Variants in POLK observed in about 807,000 individuals in gnomAD.
The protein encoded by POLK is DNA polymerase kappa, also known as polymerase (DNA directed) kappa.
A neutral mutation model predicts 94.0 loss-of-function variants in POLK; 76 were observed. The ratio of observed to expected loss-of-function variants is 0.81; its 90% CI spans 0.67 to 0.98. The LOEUF is 0.98. Among genes scored for constraint, POLK ranks in the 50% least tolerant of loss-of-function variants. POLK has a pLI of 0.00. For missense variants in POLK, 954 were observed against 1,010.1 expected, an observed-to-expected ratio of 0.94 and a Z score of 0.75; for synonymous variants, 349 against 325.4, an observed-to-expected ratio of 1.07 and a Z score of -0.78.
At chr5:75,596,085 C>T in intron 12 of POLK, 137 bp from the exon 13 acceptor site, 11 of 578,210 alleles carry the variant, frequency 1.9e-5, no homozygotes, top group South Asian at 7.9e-5. Context: ...CTTATAATAC[C>T]AGCTTTGAAA....
intron 1 of POLK, among the ~76,000 whole-genome samples, chr5:75,539,199 A>G (rs1042037836): frequency 6.6e-6 from 1 of 151,714 alleles, no homozygotes; most frequent in African/African-American, 2.4e-5. Flanking sequence ...AAGGTATGTG[A>G]TTATGTTTCT....
chr5:75,594,884 G>A (rs1286945868), intron 12 of POLK, among the ~76,000 whole-genome samples: 3 of 152,196 alleles, frequency 2.0e-5, no homozygotes. Flanking sequence ...TACTAGTAAG[G>A]AGTGGGTCAC....
intron 1 of POLK, among the ~76,000 whole-genome samples, chr5:75,513,258 A>G (rs1768157654): frequency 6.6e-6 from 1 of 152,150 alleles, no homozygotes; most frequent in Admixed American, 6.5e-5. Context: ...TCTTTTACTA[A>G]TATCAATTAT....
At chr5:75,516,424 A>G (rs1768324580) in intron 1 of POLK, among the ~76,000 whole-genome samples, 1 of 152,238 alleles carries the variant, frequency 6.6e-6, no homozygotes, top group Non-Finnish European at 1.5e-5. Context: ...TTTTGCAAAA[A>G]GAATTTTAAA....
chr5:75,576,151 A>G (rs1771862841), intron 5 of POLK, among the ~76,000 whole-genome samples: 1 of 152,080 alleles, frequency 6.6e-6, no homozygotes, highest in Non-Finnish European at 1.5e-5. Flanking sequence ...ACTTTTCCCC[A>G]TCATTTAAGG....
At chr5:75,598,070 C>A in exon 15 of POLK, 2 of 724,068 alleles carry the variant, frequency 2.8e-6, no homozygotes, top group South Asian at 4.4e-5. Context: ...ATTTTATAAT[C>A]AATGAATTTG....
At chr5:75,537,585 T>A (rs1769508582) in intron 1 of POLK, among the ~76,000 whole-genome samples, 2 of 152,220 alleles carry the variant, frequency 1.3e-5, no homozygotes, top group Non-Finnish European at 2.9e-5. Flanking sequence ...TAGTCTGCCA[T>A]CTTGGCCCCC....
At chr5:75,608,257 G>A in the POLK span, among the ~76,000 whole-genome samples, 1 of 151,430 alleles carries the variant, frequency 6.6e-6, no homozygotes, top group Non-Finnish European at 1.5e-5. Flanking sequence ...GCAGTGACAT[G>A]ATAACAGCTT....
intron 7 of POLK, 47 bp from the exon 8 acceptor site, chr5:75,583,246 T>A: frequency 7.0e-7 from 1 of 1,434,452 alleles, no homozygotes; most frequent in Middle Eastern, 1.8e-4. Flanking sequence ...TATTTAAAAG[T>A]CATACATATC....
intron 1 of POLK, among the ~76,000 whole-genome samples, chr5:75,518,051 A>G (rs760993554): frequency 3.3e-5 from 5 of 152,096 alleles, no homozygotes; most frequent in Non-Finnish European, 7.4e-5. Context: ...GAATTTTTGC[A>G]TCTGTATTCA....
exon 13 of POLK, chr5:75,596,542 G>A: frequency 6.2e-7 from 1 of 1,613,916 alleles, no homozygotes; most frequent in Non-Finnish European, 8.5e-7. Flanking sequence ...AGAGAATTCA[G>A]ATGACTGTCA....
chr5:75,568,803 G>T, intron 3 of POLK: 2 of 221,814 alleles, frequency 9.0e-6, no homozygotes, highest in Non-Finnish European at 1.9e-5. Context: ...ACTATATTTT[G>T]TTGTATATTT....
At chr5:75,552,754 T>TG (rs1345947962) in intron 3 of POLK, among the ~76,000 whole-genome samples, 163 bp downstream of exon 3, 1 of 152,196 alleles carries the variant, frequency 6.6e-6, no homozygotes, top group African/African-American at 2.4e-5. Context: ...TGCTAAGTGT[T>TG]GCTCTGCTCA....
At position 75,550,955 on chromosome 5, in the gene POLK, C is replaced by T. The variant is rs140395225; in HGVS notation, c.136-1517C>T. Among the ~76,000 whole-genome samples, 317 of 152,270 alleles carry T rather than the reference C, an allele frequency of 2.1e-3. 1 individual carries two copies. In the East Asian group the frequency reaches 0.027, roughly 13 times the overall value. ...TAAATAAAAGGGCCAGGTACAGTGG[C>T]TCACACCTGTAATCCCAGCACTTTG... On this transcript the variant is annotated intron_variant, in intron 2 of 14. Transcript: ENST00000241436.
At chr5:75,524,643 G>A (rs1335846275) in intron 1 of POLK, among the ~76,000 whole-genome samples, 1 of 151,818 alleles carries the variant, frequency 6.6e-6, no homozygotes, top group African/African-American at 2.4e-5. Context: ...TCAATTACTT[G>A]TGGGGTCTGG....
intron 7 of POLK, chr5:75,582,008 G>T: frequency 1.0e-6 from 1 of 985,772 alleles, no homozygotes; most frequent in Non-Finnish European, 1.2e-6. Context: ...TCTTTTTCTA[G>T]CACAAAATAT....
Position 75,537,966 on chromosome 5 carries a change from C to G in POLK, c.-13-9044C>G, listed in dbSNP as rs964945474. The stretch of plus-strand genomic sequence containing the variant: ...CTGCCTCCCGGGTTCATGCCATTCT[C>G]CTGCCTCAGCCGCCCGAGTAGCTGG... On this transcript the variant is annotated intron_variant, in intron 1 of 14. Coordinates refer to ENST00000241436, the Ensembl canonical transcript of POLK. Among the ~76,000 whole-genome samples the G allele has an allele frequency of 2.9e-4, 44 of 152,018 alleles. 1 individual carries two copies. The highest frequency in any genetic ancestry group is 1.0e-3 in the African/African-American group (42 of 41,384).
At chr5:75,535,348 T>C (rs1435800065) in intron 1 of POLK, among the ~76,000 whole-genome samples, 3 of 152,198 alleles carry the variant, frequency 2.0e-5, no homozygotes, top group Non-Finnish European at 4.4e-5. Context: ...GGGGCTCCCT[T>C]TGTAGGTGCC....
At chr5:75,605,655 G>A (rs932175802), downstream of POLK, among the ~76,000 whole-genome samples, 4 of 152,070 alleles carry the variant, frequency 2.6e-5, no homozygotes, top group Non-Finnish European at 4.4e-5. Context: ...TTTTAGCTTG[G>A]CACATGATCA....
Sources: allele counts gnomAD v4.1 joint callset (sites outside exome capture counted in the v4.1 genomes callset), GRCh38; gene constraint gnomAD v4.1.1; transcripts MANE v1.5; gene names NCBI Gene and HGNC (gene_info 2026-07-23, HGNC 2026-07-21).